Variants in AIG1 observed in about 807,000 individuals in gnomAD.
The protein encoded by AIG1 is androgen induced 1.
Under a neutral mutation model 31.4 loss-of-function variants are expected in AIG1, and 23 were observed. The observed-to-expected ratio is 0.73, with a 90% confidence interval of 0.53 to 1.04. The LOEUF is 1.04. Among genes scored for constraint, AIG1 ranks in the 50% least tolerant of loss-of-function variants. AIG1 has a pLI of 0.00. For synonymous variants in AIG1, 100 were observed against 110.5 expected (o/e 0.90, Z 0.60); for missense variants, 274 against 295.0 (o/e 0.93, Z 0.52).
intron 1 of AIG1, among the ~76,000 whole-genome samples, chr6:143,131,814 T>C (rs1225658031): frequency 6.6e-6 from 1 of 152,178 alleles, no homozygotes; most frequent in Non-Finnish European, 1.5e-5. Flanking sequence ...AGAGTAACCT[T>C]CCTGGGCACC....
downstream of AIG1, chr6:143,343,334 G>A: frequency 1.7e-6 from 1 of 601,638 alleles, no homozygotes; most frequent in Non-Finnish European, 3.3e-6. Context: ...TGAAAATCTG[G>A]CATGAAATGA....
At chr6:143,342,819 G>C (rs1157824887), downstream of AIG1, 1 of 801,294 alleles carries the variant, frequency 1.2e-6, no homozygotes, top group Non-Finnish European at 2.3e-6. Flanking sequence ...AGTGGACAGT[G>C]ATCTGATATT....
chr6:143,274,591 C>T lies in AIG1; in HGVS notation c.400-9519C>T, dbSNP rs79826109. Among the ~76,000 whole-genome samples the T allele has an allele frequency of 3.6e-3, 548 of 152,248 alleles. 5 individuals carry two copies. The highest frequency in any genetic ancestry group is 0.013 in the African/African-American group (522 of 41,530). ...GTGAGAGACTTTAAATTTTTATTCA[C>T]CTAATTGAGACATGTTTCCCAGAAC... On this transcript the variant is annotated intron_variant, in intron 3 of 5. Coordinates refer to ENST00000357847, the MANE Select transcript of AIG1 (RefSeq NM_016108.4).
chr6:143,075,526 G>A (rs1777657719), intron 1 of AIG1, among the ~76,000 whole-genome samples: 1 of 152,160 alleles, frequency 6.6e-6, no homozygotes, highest in Non-Finnish European at 1.5e-5. Context: ...GGTTGGTCTT[G>A]AACTCCTAGG....
At chr6:143,196,375 A>ACACG (rs1790235271) in intron 3 of AIG1, among the ~76,000 whole-genome samples, 1 of 149,984 alleles carries the variant, frequency 6.7e-6, no homozygotes, top group African/African-American at 2.4e-5. Flanking sequence ...ACACACACAC[A>ACACG]CACACACACA....
In AIG1 at chr6:143,304,980, TC is replaced by T. The variant is rs1799143236; in HGVS notation, c.515+20757del. Among the ~76,000 whole-genome samples, 2 of 152,224 alleles carry T rather than the reference TC, an allele frequency of 1.3e-5. 1 individual carries two copies. Among genetic ancestry groups the T allele is most frequent in the South Asian group, 4.1e-4 (2 of 4,826 alleles). On this transcript the variant is annotated intron_variant, in intron 4 of 5. Transcript: ENST00000357847. The stretch of plus-strand genomic sequence containing the variant: ...GAGGGTGTATGTGTCCAGGAATTTA[TC>T]CATTTCTTCTAGATTTTCTAGTTTA...
chr6:143,342,705 AG>A (rs764883991), downstream of AIG1: 5 of 1,146,484 alleles, frequency 4.4e-6, no homozygotes, highest in Non-Finnish European at 6.6e-6. Flanking sequence ...GACTTCAGAA[AG>A]GAGATTAACA....
At chr6:143,320,022 A>G (rs1776077428) in intron 4 of AIG1, among the ~76,000 whole-genome samples, 1 of 152,166 alleles carries the variant, frequency 6.6e-6, no homozygotes, top group African/African-American at 2.4e-5. Flanking sequence ...GCAATAGCAA[A>G]AAAATAAATA....
intron 1 of AIG1, among the ~76,000 whole-genome samples, chr6:143,079,084 AAG>A (rs377635305): frequency 2.1e-4 from 31 of 150,482 alleles, no homozygotes; most frequent in Non-Finnish European, 2.5e-4. Context: ...AGCAGGAGAA[AAG>A]AGAGAGAGAG....
intron 4 of AIG1, among the ~76,000 whole-genome samples, chr6:143,315,908 T>C (rs541546449): frequency 2.0e-5 from 3 of 151,922 alleles, no homozygotes; most frequent in African/African-American, 7.2e-5. Context: ...TGATAACAGA[T>C]AGGGGAAAAA....
At chr6:143,086,667 C>G (rs1022002051) in intron 1 of AIG1, among the ~76,000 whole-genome samples, 1 of 151,748 alleles carries the variant, frequency 6.6e-6, no homozygotes, top group Non-Finnish European at 1.5e-5. Flanking sequence ...TTTGGAGATA[C>G]AACTTGCTCT....
chr6:143,312,178 A>G (rs1406673166), intron 4 of AIG1, among the ~76,000 whole-genome samples: 2 of 152,120 alleles, frequency 1.3e-5, no homozygotes, highest in Non-Finnish European at 2.9e-5. Flanking sequence ...CAAAATACCA[A>G]TGGCATTCTT....
chr6:143,284,060 A>G lies in AIG1; in HGVS notation c.400-50A>G. On this transcript the variant is annotated intron_variant, in intron 3 of 5. Transcript: ENST00000357847. This position sits in a 1 kb window ranked among gnomAD's most constrained non-coding sequence, Gnocchi z 4.4. ...CTCCTACTGGTGAAAAAACAACTATAGAGAGACAATGATAGCAATCTGTGT... is the reference window on the plus strand; with the variant it reads ...CTCCTACTGGTGAAAAAACAACTATGGAGAGACAATGATAGCAATCTGTGT... 7.2e-7 allele frequency: 1 copy of G among 1,398,182 alleles called. No individual in the cohort carries two copies. Among genetic ancestry groups the G allele is most frequent in the Non-Finnish European group, 1.0e-6 (1 of 988,310 alleles). 86.6% of individuals were successfully genotyped at this position (1,398,182 alleles called of 1,614,324 possible). A position where few individuals can be genotyped will look rare whatever the true frequency, so the allele number is the denominator to read the frequency against.
At chr6:143,107,388 C>A (rs900163577) in intron 1 of AIG1, among the ~76,000 whole-genome samples, 1 of 152,058 alleles carries the variant, frequency 6.6e-6, no homozygotes, top group African/African-American at 2.4e-5. Flanking sequence ...ATAAAAGTCT[C>A]CAAAACATAT....
intron 3 of AIG1, among the ~76,000 whole-genome samples, chr6:143,196,745 C>T (rs1790274311): frequency 6.6e-6 from 1 of 152,028 alleles, no homozygotes; most frequent in Admixed American, 6.6e-5. Context: ...GTGCTAAGCA[C>T]ACCCCTGACG....
At chr6:143,267,497 A>G (rs1213558271) in intron 3 of AIG1, among the ~76,000 whole-genome samples, 1 of 152,150 alleles carries the variant, frequency 6.6e-6, no homozygotes, top group Non-Finnish European at 1.5e-5. Flanking sequence ...ACTGGCCATT[A>G]TATCTAGTTC....
intron 1 of AIG1, among the ~76,000 whole-genome samples, chr6:143,131,898 A>G (rs1009595409): frequency 1.3e-5 from 2 of 152,234 alleles, no homozygotes; most frequent in Admixed American, 1.3e-4. Flanking sequence ...TTATGCAGCA[A>G]TGGACAACTA....
Position 143,339,731 on chromosome 6 carries a change from C to A in AIG1, c.*55C>A. The A allele has an allele frequency of 6.3e-7, 1 of 1,589,634 alleles. No homozygotes were observed. Among genetic ancestry groups the A allele is most frequent in the South Asian group, 1.1e-5 (1 of 88,608 alleles). ...GAGCCGCCATTGAAGACTCCTTCCC[C>A]TCGGGCATTGGCAGTGGGGGAGAAA... On this transcript the variant is annotated 3_prime_UTR_variant, in exon 6 of 6. Coordinates refer to ENST00000357847, the MANE Select transcript of AIG1 (RefSeq NM_016108.4).
At chr6:143,060,876 C>G, upstream of AIG1, 2 of 1,299,046 alleles carry the variant, frequency 1.5e-6, no homozygotes, top group Non-Finnish European at 2.0e-6. Flanking sequence ...CCGGCGCCTC[C>G]CTCACGCCCG....
Sources: gnomAD v4.1 joint callset for allele counts (sites outside exome capture counted in the v4.1 genomes callset) on GRCh38, gnomAD v4.1.1 for gene constraint, Gnocchi (gnomAD v3.1) non-coding constraint, MANE v1.5 for transcripts, NCBI Gene and HGNC (gene_info 2026-07-23, HGNC 2026-07-21) for gene names.